The following NCEH1 variants were observed in gnomAD, a reference collection of about 807,000 sequenced individuals.
NCEH1 encodes 2-acetyl MAGE hydrolase.
NCEH1 carries 9 observed loss-of-function variants against 25.4 expected under a neutral mutation model. That is an observed-to-expected ratio of 0.35 (90% CI 0.21 to 0.62). NCEH1 has a LOEUF of 0.62. NCEH1 is among the 20% of genes least tolerant of loss of function. The pLI, the probability that NCEH1 is intolerant of heterozygous loss-of-function variation, is 0.72. For missense variants in NCEH1, 412 were observed against 501.1 expected (o/e 0.82, Z 1.70); for synonymous variants, 200 against 199.8 (o/e 1.00, Z -0.01).
intron 1 of NCEH1, chr3:172,703,171 G>A (rs1301859438): frequency 6.6e-6 from 1 of 152,098 alleles, no homozygotes; most frequent in African/African-American, 2.4e-5. Flanking sequence ...AGTTCAGAGA[G>A]GACTAGCATG....
intron 1 of NCEH1, among the ~76,000 whole-genome samples, chr3:172,695,886 A>G (rs1012337108): frequency 5.9e-5 from 9 of 151,910 alleles, no homozygotes; most frequent in Non-Finnish European, 1.3e-4. Flanking sequence ...AGAGGTTGCA[A>G]TGAGCTGAGA....
intron 1 of NCEH1, among the ~76,000 whole-genome samples, chr3:172,650,605 C>A (rs1399873380): frequency 6.7e-6 from 1 of 149,116 alleles, no homozygotes; most frequent in Non-Finnish European, 1.5e-5. Context: ...GCTGAGACTA[C>A]GCCACTGCAC....
At chr3:172,697,396 C>T (rs940787806) in intron 1 of NCEH1, among the ~76,000 whole-genome samples, 4 of 152,180 alleles carry the variant, frequency 2.6e-5, no homozygotes, top group African/African-American at 9.7e-5. Context: ...GGATCATACC[C>T]AAATAAGCCA....
At position 172,683,114 on chromosome 3, in the gene NCEH1, G is replaced by A. The variant is rs766362920; in HGVS notation, c.138+27733C>T. On this transcript the variant is annotated intron_variant, in intron 1 of 4. Transcript: ENST00000475381. ...CTGTAAACCCAGTGCTTTAAGAAGCGGAGGCAGGGCCGGGCGCGGTGGCTC... is the reference window on the plus strand; with the variant it reads ...CTGTAAACCCAGTGCTTTAAGAAGCAGAGGCAGGGCCGGGCGCGGTGGCTC... 1.2e-4 allele frequency among the ~76,000 whole-genome samples: 16 copies of A among 131,476 alleles called. 1 individual carries two copies. The highest frequency in any genetic ancestry group is 2.3e-4 in the Non-Finnish European group (14 of 59,636). The allele number at this position is 131,476 out of a possible 152,430, so 86.3% of individuals were successfully genotyped here. A position where few individuals can be genotyped will look rare whatever the true frequency, so the allele number is the denominator to read the frequency against.
intron 1 of NCEH1, among the ~76,000 whole-genome samples, chr3:172,691,946 C>CAAAAAAAAAAAA (rs61592238): frequency 2.5e-5 from 2 of 79,994 alleles, no homozygotes; most frequent in Admixed American, 1.9e-4. Context: ...GACTCCGTCT[C>CAAAAAAAAAAAA]AAAAAAAAAA....
At chr3:172,673,893 C>G (rs1299362064) in intron 1 of NCEH1, among the ~76,000 whole-genome samples, 2 of 152,190 alleles carry the variant, frequency 1.3e-5, no homozygotes, top group Admixed American at 1.3e-4. Flanking sequence ...ACTCTATTTG[C>G]CAGCCTGCAG....
chr3:172,652,441 T>G (rs1278445267), intron 1 of NCEH1, among the ~76,000 whole-genome samples: 3 of 152,150 alleles, frequency 2.0e-5, no homozygotes, highest in Non-Finnish European at 4.4e-5. Context: ...AAGGATCGGG[T>G]GGAACAGTGA....
chr3:172,644,707 CATAA>C (rs1474458977), intron 3 of NCEH1, among the ~76,000 whole-genome samples: 1 of 152,114 alleles, frequency 6.6e-6, no homozygotes, highest in Non-Finnish European at 1.5e-5. Flanking sequence ...TCATTCATTC[CATAA>C]ATATTTACTG....
chr3:172,645,556 G>A (rs1717078449), intron 3 of NCEH1, 67 bp downstream of exon 3: 1 of 991,440 alleles, frequency 1.0e-6, no homozygotes. Flanking sequence ...GTAAAACAAA[G>A]TAACCAGACT....
chr3:172,642,603 CA>C (rs66551744), intron 3 of NCEH1, among the ~76,000 whole-genome samples: 1,649 of 83,906 alleles, frequency 0.02, 14 homozygotes, highest in African/African-American at 0.056. Flanking sequence ...GCTATTTCTA[CA>C]AAAAAAAAAA....
chr3:172,656,864 C>T (rs1717721456), intron 1 of NCEH1, among the ~76,000 whole-genome samples: 1 of 152,128 alleles, frequency 6.6e-6, no homozygotes, highest in South Asian at 2.1e-4. Flanking sequence ...ATCCATTAGG[C>T]TCACCAATGA....
At position 172,642,601 on chromosome 3, in the gene NCEH1, T is replaced by TAA. The variant is rs1411772207; in HGVS notation, c.437+3021_437+3022insTT. ...ACAAGGATTACTATCTTGCTATTTC[T>TAA]ACAAAAAAAAAAAAAAAAAAAAAGA... On this transcript the variant is annotated intron_variant, in intron 3 of 4. Transcript: ENST00000475381. Among the ~76,000 whole-genome samples, 250 of 39,066 alleles carry TAA rather than the reference T, an allele frequency of 6.4e-3. 7 individuals carry two copies. In the East Asian group the frequency reaches 0.087, roughly 14 times the overall value. 25.6% of individuals were successfully genotyped at this position (39,066 alleles called of 152,430 possible). A position where few individuals can be genotyped will look rare whatever the true frequency, so the allele number is the denominator to read the frequency against.
At chr3:172,665,785 C>T (rs901842174) in intron 1 of NCEH1, among the ~76,000 whole-genome samples, 20 of 152,318 alleles carry the variant, frequency 1.3e-4, no homozygotes, top group South Asian at 6.2e-4. Flanking sequence ...TCGGACCCGC[C>T]GAGCCATGCG....
At position 172,689,911 on chromosome 3, in the gene NCEH1, T is replaced by A. The variant is rs181623851; in HGVS notation, c.138+20936A>T. Among the ~76,000 whole-genome samples the A allele has an allele frequency of 9.7e-3, 1,419 of 146,142 alleles. 23 individuals are homozygous for A. The highest frequency in any genetic ancestry group is 0.033 in the African/African-American group (1,311 of 39,590). On this transcript the variant is annotated intron_variant, in intron 1 of 4. Transcript: ENST00000475381. ...ATTTTTTATTATTTTATTTATTTAT[T>A]TTTTTTTTTTGAGACGGAGTCTCAC...
chr3:172,652,688 T>C (rs1717457223), intron 1 of NCEH1, among the ~76,000 whole-genome samples: 1 of 152,098 alleles, frequency 6.6e-6, no homozygotes, highest in Non-Finnish European at 1.5e-5. Context: ...GTAATAAAGT[T>C]TCCTGAAACC....
intron 1 of NCEH1, among the ~76,000 whole-genome samples, chr3:172,662,362 C>T (rs559283210): frequency 8.1e-4 from 123 of 152,246 alleles, no homozygotes; most frequent in Non-Finnish European, 1.4e-3. Flanking sequence ...CTGCTGGATT[C>T]GGTTTGCCAG....
chr3:172,645,749 CAT>C (rs1717090506), intron 2 of NCEH1, 57 bp from the exon 3 acceptor site: 1 of 1,030,070 alleles, frequency 9.7e-7, no homozygotes, highest in Non-Finnish European at 1.4e-6. Flanking sequence ...ACTGTCCACT[CAT>C]AAATTCTGCT....
rs1296043028 is a variant in NCEH1, at chr3:172,633,671, G to A, written c.1031C>T (p.Thr344Met). 4 of 1,614,208 alleles carry A rather than the reference G, an allele frequency of 2.5e-6. No individual in the cohort carries two copies. Among genetic ancestry groups the A allele is most frequent in the Non-Finnish European group, 3.4e-6 (4 of 1,180,028 alleles). The change falls in exon 5 of 5, where the codon ACG becomes ATG. Residue 344 changes from threonine (T) to methionine (M), a missense_variant. By Grantham distance (81) the Thr-to-Met change is moderately conservative. Transcript: ENST00000475381. ...GTCTCTGAGGACATCATGCTCACAC[G>A]TCAGAATGTAGGTCTTTGGGAGGAG... The part of the protein sequence containing the change: ...LQLLPKTYIL[T>M]CEHDVLRDDG...
At chr3:172,637,504 G>A (rs1716647203) in intron 3 of NCEH1, among the ~76,000 whole-genome samples, 1 of 152,152 alleles carries the variant, frequency 6.6e-6, no homozygotes, top group Middle Eastern at 3.2e-3. Flanking sequence ...TGTAATCCCA[G>A]CACTTTGGGA....
Sources: gnomAD v4.1 joint callset for allele counts (sites outside exome capture counted in the v4.1 genomes callset) on GRCh38, gnomAD v4.1.1 for gene constraint, MANE v1.5 for transcripts, NCBI Gene and HGNC (gene_info 2026-07-23, HGNC 2026-07-21) for gene names.